Variants in DDX20 observed in about 807,000 individuals in gnomAD.
DDX20 encodes the protein probable ATP-dependent RNA helicase DDX20.
DDX20 carries 61 observed loss-of-function variants against 76.4 expected under a neutral mutation model. That is an observed-to-expected ratio of 0.80 (90% CI 0.65 to 0.99). The LOEUF (loss-of-function observed/expected upper bound fraction) is 0.99. Ranked by LOEUF, DDX20 falls within the 50% of genes least tolerant of loss-of-function variation. The probability of loss-of-function intolerance (pLI) is 0.00; values close to 1 mark genes in which losing one functional copy is unlikely to be tolerated. For synonymous variants in DDX20, 357 were observed against 357.4 expected (o/e 1.00, Z 0.01); for missense variants, 976 against 996.8 (o/e 0.98, Z 0.28).
intron 2 of DDX20, among the ~76,000 whole-genome samples, chr1:111,757,619 G>A (rs1663588290): frequency 6.6e-6 from 1 of 152,150 alleles, no homozygotes; most frequent in African/African-American, 2.4e-5. Flanking sequence ...CTCAGGCATT[G>A]GTATATCTGA....
In DDX20 at chr1:111,759,388, G is replaced by GT. The variant is rs563239772; in HGVS notation, c.397-3dup. ...CTCTGACTCAAAGGTGTAATTTATG[G>GT]TTTTTTTTTAGATTTTGATCTTGGC... is the stretch of plus-strand genomic sequence containing the variant. On this transcript the variant is annotated splice_polypyrimidine_tract_variant and intron_variant, in intron 2 of 10. Coordinates refer to ENST00000369702, the MANE Select transcript of DDX20 (RefSeq NM_007204.5). 20,266 of 1,567,436 alleles carry GT rather than the reference G, an allele frequency of 0.013. 121 individuals carry two copies. Among genetic ancestry groups the GT allele is most frequent in the Non-Finnish European group, 0.014 (16,400 of 1,151,012 alleles).
chr1:111,761,325 A>C, intron 7 of DDX20, 41 bp downstream of exon 7: 1 of 1,549,614 alleles, frequency 6.5e-7, no homozygotes. Flanking sequence ...TAGTATACTG[A>C]CTTGAAGCCT....
At position 111,766,627 on chromosome 1, in the gene DDX20, C is replaced by G. The variant is rs150790608; in HGVS notation, c.2203C>G (p.Arg735Gly). 1 of 1,614,146 alleles carries G rather than the reference C, an allele frequency of 6.2e-7. No homozygotes were observed. The highest frequency in any genetic ancestry group is 2.2e-5 in the East Asian group (1 of 44,880). Reference sequence around the variant, plus strand: ...GGCTAGCCAGAGAGCTAAGCAGAGCCGGAGAAACCTACCCAGGCGGTCTTC... The same window carrying G: ...GGCTAGCCAGAGAGCTAAGCAGAGCGGGAGAAACCTACCCAGGCGGTCTTC... ...EGASQRAKQS[R>G]RNLPRRSSFR... The change falls in exon 11 of 11, where the codon CGG (arginine) becomes GGG (glycine). Residue 735 changes from arginine to glycine, a missense_variant. Arg to Gly is a moderately radical substitution (Grantham distance 125, BLOSUM62 -2). Transcript: ENST00000369702.
At chr1:111,762,821 G>T in intron 9 of DDX20, 39 bp downstream of exon 9, 1 of 1,591,348 alleles carries the variant, frequency 6.3e-7, no homozygotes, top group Admixed American at 1.7e-5. Flanking sequence ...TTTCTTTAAG[G>T]GGAGGGATCT....
intron 1 of DDX20, 142 bp from the exon 2 acceptor site, chr1:111,756,504 C>T (rs1663557522): frequency 8.2e-6 from 6 of 730,412 alleles, no homozygotes; most frequent in Non-Finnish European, 1.4e-5. Flanking sequence ...GGCGTGTTCT[C>T]ATACGTTTTT....
intron 2 of DDX20, among the ~76,000 whole-genome samples, chr1:111,756,989 A>G (rs1295344706): frequency 6.6e-6 from 1 of 152,006 alleles, no homozygotes; most frequent in Non-Finnish European, 1.5e-5. Flanking sequence ...GACTAGATTA[A>G]TGTGAGACTT....
Position 111,759,584 on chromosome 1 carries a change from C to G in DDX20, c.565+16C>G, listed in dbSNP as rs1663629518. Reference sequence around the variant, plus strand: ...GGATCTCCTGGTAAGATAACAATGCCTGTTGGTAACCAGGGCTTTTAAGGA... The same window carrying G: ...GGATCTCCTGGTAAGATAACAATGCGTGTTGGTAACCAGGGCTTTTAAGGA... On this transcript the variant is annotated intron_variant, in intron 3 of 10. Coordinates refer to ENST00000369702, the MANE Select transcript of DDX20 (RefSeq NM_007204.5). The G allele has an allele frequency of 6.2e-7, 1 of 1,605,784 alleles. No individual in the cohort carries two copies. Among genetic ancestry groups the G allele is most frequent in the Non-Finnish European group, 8.5e-7 (1 of 1,176,506 alleles).
rs374770923 is a variant in DDX20, at chr1:111,756,754, G to A, written c.396+14G>A. 108 of 1,596,364 alleles carry A rather than the reference G, an allele frequency of 6.8e-5. No individual in the cohort carries two copies. The African/African-American group carries it at 1.4e-3, about 20-fold the overall frequency. ...TTAAGTACCCAGGTGAGTTAGCTGA[G>A]AGGACCAGAGGAGGATGTGTTTTGT... On this transcript the variant is annotated intron_variant, in intron 2 of 10. Coordinates refer to ENST00000369702, the MANE Select transcript of DDX20 (RefSeq NM_007204.5).
rs1302089385 is a variant in DDX20 at position 111,765,821 on chromosome 1, G to A, written c.1397G>A (p.Ser466Asn). Residue 466 changes from serine to asparagine, a missense_variant, in exon 11 of 11, where the codon AGT becomes AAT. Transcript: ENST00000369702. Reference sequence around the variant, plus strand: ...GCTGTGCATACATATGGTATAGCAAGTGTACCTAACCAACCCTTAAAAAAG... The same window carrying A: ...GCTGTGCATACATATGGTATAGCAAATGTACCTAACCAACCCTTAAAAAAG... ...KAAVHTYGIA[S>N]VPNQPLKKQI... The A allele has an allele frequency of 1.2e-6, 2 of 1,614,126 alleles. No homozygotes were observed. Among genetic ancestry groups the A allele is most frequent in the Admixed American group, 1.7e-5 (1 of 60,004 alleles).
chr1:111,760,346 G>A, intron 3 of DDX20, 128 bp from the exon 4 acceptor site: 1 of 653,958 alleles, frequency 1.5e-6, no homozygotes, highest in Non-Finnish European at 2.6e-6. Context: ...GTGTGTACAT[G>A]CATAATGAGA....
At chr1:111,757,186 G>A (rs1052574345) in intron 2 of DDX20, among the ~76,000 whole-genome samples, 1 of 151,886 alleles carries the variant, frequency 6.6e-6, no homozygotes, top group Non-Finnish European at 1.5e-5. Flanking sequence ...TAAGTATTTG[G>A]GACTACAGGT....
At chr1:111,759,831 G>A (rs970559474) in intron 3 of DDX20, among the ~76,000 whole-genome samples, 6 of 151,212 alleles carry the variant, frequency 4.0e-5, no homozygotes, top group East Asian at 1.9e-4. Context: ...AAAATTAGCC[G>A]GGCGTGGTAG....
At chr1:111,763,203 A>G (rs1663710256) in intron 10 of DDX20, among the ~76,000 whole-genome samples, 196 bp downstream of exon 10, 1 of 152,220 alleles carries the variant, frequency 6.6e-6, no homozygotes, top group Admixed American at 6.5e-5. Context: ...ATATTTAGAC[A>G]TAGAGAGGGT....
In DDX20 at chr1:111,765,803, A is replaced by C. The variant is rs1293695020; in HGVS notation, c.1379A>C (p.His460Pro). The stretch of plus-strand genomic sequence containing the variant: ...GATGTGGAAGTTAAAGCTGCTGTGC[A>C]TACATATGGTATAGCAAGTGTACCT... ...DWDVEVKAAV[H>P]TYGIASVPNQ... Residue 460 changes from histidine to proline, a missense_variant, in exon 11 of 11, where the codon CAT becomes CCT. This residue lies in a region of DDX20 where 630 missense variants were observed against 693.7 expected (regional missense o/e 0.91). Coordinates refer to ENST00000369702, the MANE Select transcript of DDX20 (RefSeq NM_007204.5). The C allele has an allele frequency of 6.2e-7, 1 of 1,613,640 alleles. No individual in the cohort carries two copies. Among genetic ancestry groups the C allele is most frequent in the Non-Finnish European group, 8.5e-7 (1 of 1,179,854 alleles).
In DDX20 at chr1:111,762,766, G is replaced by A; in HGVS notation, c.1194G>A (p.Gly398=). 6.2e-7 allele frequency: 1 copy of A among 1,612,958 alleles called. No individual in the cohort carries two copies. Among genetic ancestry groups the A allele is most frequent in the Non-Finnish European group, 8.5e-7 (1 of 1,179,668 alleles). The change falls in exon 9 of 11, where the codon GGG becomes GGA. Residue 398 remains glycine, a synonymous_variant. Transcript: ENST00000369702. ...GGGAGACATACATGCATCGGATTGGGAGAGCTGGCCGTTTTGGTAAAAAAA... is the reference window on the plus strand; with the variant it reads ...GGGAGACATACATGCATCGGATTGGAAGAGCTGGCCGTTTTGGTAAAAAAA... ...LDWETYMHRI[G]RAGRFGTLGL... is the part of the protein sequence containing the mutation.
chr1:111,766,814 G>A lies in DDX20; in HGVS notation c.2390G>A (p.Trp797Ter). The A allele has an allele frequency of 6.2e-7, 1 of 1,614,058 alleles. No individual in the cohort carries two copies. The highest frequency in any genetic ancestry group is 2.2e-5 in the East Asian group (1 of 44,884). Residue 797 changes from tryptophan to a stop codon, truncating the protein, a stop_gained, in exon 11 of 11, where the codon TGG (tryptophan) becomes TAG (stop). Transcript: ENST00000369702. LOFTEE classifies it high-confidence loss of function. ...YYAAASHSYY[W>*]NAQRHPSWMA... ...GCTGCCGCTTCTCATTCATATTATT[G>A]GAATGCTCAGAGACATCCAAGTTGG...
rs906384446 is a variant in DDX20, at chr1:111,767,314, A to T, written c.*415A>T. Reference sequence around the variant, plus strand: ...AAGGGCTTAGGCTGCATTTCCTTCTATAGAGGTGCATTCTTGTAGAAATTT... The same window carrying T: ...AAGGGCTTAGGCTGCATTTCCTTCTTTAGAGGTGCATTCTTGTAGAAATTT... On this transcript the variant is annotated 3_prime_UTR_variant, in exon 11 of 11. Transcript: ENST00000369702. 6.4e-6 allele frequency: 1 copy of T among 155,526 alleles called. No homozygotes were observed. The highest frequency in any genetic ancestry group is 2.0e-4 in the South Asian group (1 of 5,090). 9.6% of individuals were successfully genotyped at this position (155,526 alleles called of 1,614,324 possible).
At chr1:111,756,919 C>T (rs528868741) in intron 2 of DDX20, among the ~76,000 whole-genome samples, 179 bp downstream of exon 2, 2 of 152,260 alleles carry the variant, frequency 1.3e-5, no homozygotes, top group African/African-American at 2.4e-5. Flanking sequence ...ATAAAGCTAC[C>T]ATATATGTCA....
intron 10 of DDX20, among the ~76,000 whole-genome samples, chr1:111,763,685 A>T (rs549065940): frequency 6.6e-6 from 1 of 152,210 alleles, no homozygotes; most frequent in East Asian, 1.9e-4. Context: ...TTACCTCTTA[A>T]ATTGTTGTGA....
Sources: allele counts gnomAD v4.1 joint callset (sites outside exome capture counted in the v4.1 genomes callset), GRCh38; gene constraint gnomAD v4.1.1; regional missense constraint gnomAD v4.1.1; transcripts MANE v1.5; gene names NCBI Gene and HGNC (gene_info 2026-07-23, HGNC 2026-07-21).